The following HSD17B12 variants were observed in gnomAD, a reference collection of about 807,000 sequenced individuals.
HSD17B12 encodes the protein very-long-chain 3-oxoacyl-CoA reductase.
HSD17B12 carries 32 observed loss-of-function variants against 39.3 expected under a neutral mutation model. That is an observed-to-expected ratio of 0.81 (90% CI 0.61 to 1.09). The LOEUF is 1.09. HSD17B12 is among the 50% of genes least tolerant of loss of function. The pLI is 0.00. For synonymous variants in HSD17B12, 150 were observed against 146.7 expected, an observed-to-expected ratio of 1.02 and a Z score of -0.16; for missense variants, 342 against 382.9, an observed-to-expected ratio of 0.89 and a Z score of 0.89.
the HSD17B12 span, among the ~76,000 whole-genome samples, chr11:43,580,664 C>G: frequency 6.6e-6 from 1 of 151,928 alleles, no homozygotes; most frequent in African/African-American, 2.4e-5. Context: ...CCTCTCTTTC[C>G]CAATACATCG....
At chr11:43,766,736 A>C (rs1301390583) in intron 3 of HSD17B12, among the ~76,000 whole-genome samples, 5 of 152,194 alleles carry the variant, frequency 3.3e-5, no homozygotes, top group Non-Finnish European at 5.9e-5. Flanking sequence ...ACTACTGTGA[A>C]ACTTCCTCAT....
the HSD17B12 span, among the ~76,000 whole-genome samples, chr11:43,567,825 C>T: frequency 1.3e-5 from 2 of 152,152 alleles, no homozygotes; most frequent in African/African-American, 2.4e-5. Flanking sequence ...TCACCATAAA[C>T]CAGCATTTTA....
At chr11:43,751,386 C>G (rs796269195) in intron 2 of HSD17B12, among the ~76,000 whole-genome samples, 12 of 152,282 alleles carry the variant, frequency 7.9e-5, no homozygotes, top group African/African-American at 2.9e-4. Context: ...TTGATAGACA[C>G]AGGCAAAGGG....
chr11:43,707,999 A>G (rs1018244117), intron 1 of HSD17B12, among the ~76,000 whole-genome samples: 2 of 152,210 alleles, frequency 1.3e-5, no homozygotes, highest in Non-Finnish European at 2.9e-5. Context: ...GTATCTTCAC[A>G]TGCTTGTGTC....
At chr11:43,661,595 T>C in the HSD17B12 span, among the ~76,000 whole-genome samples, 1 of 152,186 alleles carries the variant, frequency 6.6e-6, no homozygotes, top group East Asian at 1.9e-4. Flanking sequence ...GGAGGATAGC[T>C]TGAGGTCAGG....
the HSD17B12 span, among the ~76,000 whole-genome samples, chr11:43,607,279 AGT>A: frequency 0.15 from 21,491 of 145,142 alleles, 1,619 homozygotes; most frequent in South Asian, 0.2. Context: ...TGTGCTCCTG[AGT>A]GTGTGTGTGT....
intron 4 of HSD17B12, among the ~76,000 whole-genome samples, chr11:43,799,917 C>A (rs1950950552): frequency 6.6e-6 from 1 of 152,170 alleles, no homozygotes; most frequent in Non-Finnish European, 1.5e-5. Flanking sequence ...CATCACCATG[C>A]CCCATATACC....
At chr11:43,666,939 G>A in the HSD17B12 span, among the ~76,000 whole-genome samples, 1 of 152,320 alleles carries the variant, frequency 6.6e-6, no homozygotes, top group East Asian at 1.9e-4. Context: ...ATAATTGCGT[G>A]TTTACTTTTT....
the HSD17B12 span, among the ~76,000 whole-genome samples, chr11:43,616,911 G>A: frequency 6.7e-6 from 1 of 148,948 alleles, no homozygotes; most frequent in Non-Finnish European, 1.5e-5. Flanking sequence ...GGTGGAGGTT[G>A]CAGTGAGCCA....
intron 9 of HSD17B12, among the ~76,000 whole-genome samples, chr11:43,840,578 C>G (rs1565108838): frequency 1.3e-5 from 2 of 149,144 alleles, no homozygotes; most frequent in African/African-American, 5.1e-5. Flanking sequence ...ACCTATCTAT[C>G]TCTATGAATT....
intron 3 of HSD17B12, among the ~76,000 whole-genome samples, chr11:43,768,226 C>G (rs559166178): frequency 5.9e-5 from 9 of 152,270 alleles, no homozygotes; most frequent in African/African-American, 2.2e-4. Context: ...TACATCACAT[C>G]AACAGATAAA....
chr11:43,684,870 G>T (rs1295848765), intron 1 of HSD17B12, among the ~76,000 whole-genome samples: 1 of 152,010 alleles, frequency 6.6e-6, no homozygotes, highest in Non-Finnish European at 1.5e-5. Flanking sequence ...ACCCCCACCC[G>T]CTCCAGCCCT....
chr11:43,793,485 G>A (rs1275749934), intron 3 of HSD17B12, among the ~76,000 whole-genome samples: 1 of 152,010 alleles, frequency 6.6e-6, no homozygotes, highest in Non-Finnish European at 1.5e-5. Context: ...AAAAACTTGA[G>A]GAAAGTCCTT....
At chr11:43,624,690 A>G in the HSD17B12 span, among the ~76,000 whole-genome samples, 1 of 151,984 alleles carries the variant, frequency 6.6e-6, no homozygotes, top group South Asian at 2.1e-4. Context: ...TCTTTTGAAA[A>G]CATTTTGAAA....
upstream of HSD17B12, among the ~76,000 whole-genome samples, chr11:43,678,144 A>G (rs535763671): frequency 6.6e-6 from 1 of 152,288 alleles, no homozygotes; most frequent in African/African-American, 2.4e-5. Context: ...ATGAGATGGT[A>G]TCTCATTGTG....
chr11:43,599,897 T>C, the HSD17B12 span, among the ~76,000 whole-genome samples: 1 of 152,218 alleles, frequency 6.6e-6, no homozygotes, highest in African/African-American at 2.4e-5. Context: ...AATAAACATT[T>C]CTTTTTTATT....
intron 3 of HSD17B12, among the ~76,000 whole-genome samples, chr11:43,772,973 C>T (rs891422124): frequency 4.0e-5 from 6 of 151,892 alleles, no homozygotes; most frequent in Non-Finnish European, 7.4e-5. Context: ...TAGCTGGGTG[C>T]GGTGGCACGT....
At chr11:43,568,784 T>C in the HSD17B12 span, among the ~76,000 whole-genome samples, 1 of 152,202 alleles carries the variant, frequency 6.6e-6, no homozygotes, top group African/African-American at 2.4e-5. Flanking sequence ...GAGTCTAGCA[T>C]GGGTTTTTTA....
At chr11:43,697,006 T>A (rs886494048) in intron 1 of HSD17B12, among the ~76,000 whole-genome samples, 3 of 148,360 alleles carry the variant, frequency 2.0e-5, no homozygotes, top group Admixed American at 2.0e-4. Flanking sequence ...CACCAGGACT[T>A]GTTGCGGGGG....
Sources: allele counts gnomAD v4.1 joint callset (sites outside exome capture counted in the v4.1 genomes callset), GRCh38; gene constraint gnomAD v4.1.1; transcripts MANE v1.5; gene names NCBI Gene and HGNC (gene_info 2026-07-23, HGNC 2026-07-21).